ZNF723: variants seen among roughly 807,000 people sequenced by gnomAD.
ZNF723 encodes zinc finger protein 723.
ZNF723 carries 5 observed loss-of-function variants against 9.4 expected under a neutral mutation model. The ratio of observed to expected loss-of-function variants is 0.53; its 90% CI spans 0.28 to 1.12. ZNF723 has a LOEUF of 1.12. Ranked by LOEUF, ZNF723 falls within the 50% of genes most tolerant of loss-of-function variation. The pLI is 0.10. For synonymous variants in ZNF723, 158 were observed against 168.8 expected (o/e 0.94, Z 0.49); for missense variants, 450 against 501.5 (o/e 0.90, Z 0.98).
At chr19:22,835,082 T>TTTTTTGG (rs398034284) in intron 1 of ZNF723, among the ~76,000 whole-genome samples, 1 of 138,562 alleles carries the variant, frequency 7.2e-6, no homozygotes, top group African/African-American at 2.6e-5. Flanking sequence ...TTTTTTTTTT[T>TTTTTTGG]GAGATGGAGT....
chr19:22,836,485 G>A (rs1967168790), intron 1 of ZNF723, among the ~76,000 whole-genome samples: 1 of 152,166 alleles, frequency 6.6e-6, no homozygotes, highest in Non-Finnish European at 1.5e-5. Flanking sequence ...TCTTCCATAG[G>A]AAGGAGCAAA....
rs374794391 is a variant in ZNF723 at position 22,838,882 on chromosome 19, G to A, written c.3+6500G>A. Among the ~76,000 whole-genome samples, 533 of 152,182 alleles carry A rather than the reference G, an allele frequency of 3.5e-3. 4 individuals are homozygous for A. The highest frequency in any genetic ancestry group is 0.012 in the African/African-American group (515 of 41,538). On this transcript the variant is annotated intron_variant, in intron 1 of 3. Transcript: ENST00000600766. ...CTTGCCTCAGCCTCCTGAGTAGCTG[G>A]GCTTACAGGCATGCGCCACTATGCC...
chr19:22,816,208 G>T, the ZNF723 span, among the ~76,000 whole-genome samples: 1 of 152,202 alleles, frequency 6.6e-6, no homozygotes, highest in Admixed American at 6.5e-5. Flanking sequence ...ACGCAGGTGA[G>T]ATTGTGACAC....
chr19:22,846,294 C>T (rs1380773397), intron 1 of ZNF723, among the ~76,000 whole-genome samples: 1 of 152,106 alleles, frequency 6.6e-6, no homozygotes, highest in African/African-American at 2.4e-5. Context: ...TCCCCATTAG[C>T]ACTATGCAGA....
chr19:22,812,400 A>G, the ZNF723 span, among the ~76,000 whole-genome samples: 2 of 152,222 alleles, frequency 1.3e-5, no homozygotes, highest in Admixed American at 6.5e-5. Flanking sequence ...TGTGATTGTC[A>G]TATGTGAACA....
At chr19:22,830,858 G>A (rs1462318688), upstream of ZNF723, among the ~76,000 whole-genome samples, 1 of 152,106 alleles carries the variant, frequency 6.6e-6, no homozygotes, top group Non-Finnish European at 1.5e-5. Flanking sequence ...TGCCTCCTGG[G>A]TTGAAGCAAT....
At chr19:22,835,514 C>T (rs1406645327) in intron 1 of ZNF723, among the ~76,000 whole-genome samples, 1 of 151,942 alleles carries the variant, frequency 6.6e-6, no homozygotes. Context: ...TCGCATTTAC[C>T]GTTTTTTTTG....
chr19:22,833,829 C>T (rs1400907411), intron 1 of ZNF723, among the ~76,000 whole-genome samples: 1 of 151,290 alleles, frequency 6.6e-6, no homozygotes, highest in South Asian at 2.1e-4. Flanking sequence ...TGGTCTTGAA[C>T]TCCTGACCTC....
the ZNF723 span, among the ~76,000 whole-genome samples, chr19:22,816,592 TA>T: frequency 6.6e-6 from 1 of 152,240 alleles, no homozygotes; most frequent in Non-Finnish European, 1.5e-5. Context: ...TTGTGACGTA[TA>T]CCTCAGCCTA....
chr19:22,825,539 G>A, the ZNF723 span, among the ~76,000 whole-genome samples: 2 of 152,202 alleles, frequency 1.3e-5, no homozygotes, highest in Non-Finnish European at 2.9e-5. Context: ...TCTTTCCTGG[G>A]TGCTGCCCTC....
chr19:22,815,505 G>T, the ZNF723 span, among the ~76,000 whole-genome samples: 7 of 152,118 alleles, frequency 4.6e-5, no homozygotes, highest in Admixed American at 3.3e-4. Flanking sequence ...GAGTACCTAG[G>T]TGATATGACT....
intron 1 of ZNF723, among the ~76,000 whole-genome samples, chr19:22,835,782 A>C (rs1967157802): frequency 6.6e-6 from 1 of 152,200 alleles, no homozygotes; most frequent in South Asian, 2.1e-4. Context: ...CTGACAGTGA[A>C]TATTTTTGTT....
At chr19:22,829,241 A>C (rs991394706), upstream of ZNF723, among the ~76,000 whole-genome samples, 3 of 145,046 alleles carry the variant, frequency 2.1e-5, no homozygotes, top group African/African-American at 5.2e-5. Context: ...AAAAAAAAAA[A>C]ACACAGTTCT....
chr19:22,851,592 C>T (rs931852326), intron 3 of ZNF723, among the ~76,000 whole-genome samples: 4 of 152,118 alleles, frequency 2.6e-5, no homozygotes, highest in African/African-American at 7.2e-5. Context: ...TCTTGAACTC[C>T]TGGTCTCAAG....
chr19:22,849,690 C>T (rs996997482), intron 3 of ZNF723, among the ~76,000 whole-genome samples: 1 of 152,098 alleles, frequency 6.6e-6, no homozygotes, highest in African/African-American at 2.4e-5. Flanking sequence ...GGGTGGATCA[C>T]CTGAGGTCAG....
chr19:22,836,170 C>T (rs889095400), intron 1 of ZNF723, among the ~76,000 whole-genome samples: 16 of 152,046 alleles, frequency 1.1e-4, no homozygotes, highest in Non-Finnish European at 2.2e-4. Context: ...GGGGAGCCTC[C>T]GCTGCAGATT....
the ZNF723 span, among the ~76,000 whole-genome samples, chr19:22,812,762 T>C: frequency 6.6e-6 from 1 of 152,062 alleles, no homozygotes. Context: ...AGGTACGAAA[T>C]TGACTCTTAT....
At chr19:22,847,938 TA>T in intron 1 of ZNF723, among the ~76,000 whole-genome samples, 1 of 151,904 alleles carries the variant, frequency 6.6e-6, no homozygotes, top group African/African-American at 2.4e-5. Flanking sequence ...CCATCTCTAC[TA>T]AAAATACAAA....
chr19:22,845,711 A>G (rs570667517), intron 1 of ZNF723, among the ~76,000 whole-genome samples: 1 of 140,554 alleles, frequency 7.1e-6, no homozygotes, highest in South Asian at 2.3e-4. Context: ...TAAAGGACAG[A>G]AATGGATGGA....
Sources: allele counts gnomAD v4.1 joint callset (sites outside exome capture counted in the v4.1 genomes callset), GRCh38; gene constraint gnomAD v4.1.1; transcripts MANE v1.5; gene names NCBI Gene and HGNC (gene_info 2026-07-23, HGNC 2026-07-21).